Variants in TTC39A observed in about 807,000 individuals in gnomAD.
TTC39A encodes tetratricopeptide repeat protein 39A.
Under a neutral mutation model 82.3 loss-of-function variants are expected in TTC39A, and 46 were observed. The observed-to-expected ratio is 0.56, with a 90% confidence interval of 0.44 to 0.71. The LOEUF (loss-of-function observed/expected upper bound fraction) is 0.71, where lower values mean the gene tolerates loss of function less well. Among genes scored for constraint, TTC39A ranks in the 30% least tolerant of loss-of-function variants. The pLI is 0.00. For missense variants in TTC39A, 543 were observed against 712.9 expected (o/e 0.76, Z 2.71); for synonymous variants, 254 against 275.2 (o/e 0.92, Z 0.76).
chr1:51,311,820 C>T (rs953024139), intron 4 of TTC39A, among the ~76,000 whole-genome samples: 2 of 152,246 alleles, frequency 1.3e-5, no homozygotes, highest in Non-Finnish European at 2.9e-5. Context: ...ACTGCACATA[C>T]AACTCTAAAC....
intron 2 of TTC39A, among the ~76,000 whole-genome samples, chr1:51,314,329 T>G (rs1645202004): frequency 6.6e-6 from 1 of 151,988 alleles, no homozygotes; most frequent in Admixed American, 6.6e-5. Flanking sequence ...CCTGCCCGGG[T>G]CCCTGCGAGA....
chr1:51,301,847 C>CA lies in TTC39A; in HGVS notation c.892-115dup, dbSNP rs558659433. 90 of 1,450,366 alleles carry CA rather than the reference C, an allele frequency of 6.2e-5. No individual in the cohort carries two copies. In the South Asian group the frequency reaches 1.2e-3, roughly 19 times the overall value. 89.8% of individuals were successfully genotyped at this position (1,450,366 alleles called of 1,614,324 possible). A position where few individuals can be genotyped will look rare whatever the true frequency, so the allele number is the denominator to read the frequency against. Reference sequence around the variant, plus strand: ...GGGACTCCTCCAGGGCATAGTGGTCCAGCCCTGTGCTAGGCTCAGGTGGGG... The same window carrying CA: ...GGGACTCCTCCAGGGCATAGTGGTCCAAGCCCTGTGCTAGGCTCAGGTGGGG... On this transcript the variant is annotated intron_variant, in intron 11 of 17. Coordinates refer to ENST00000680483, the MANE Select transcript of TTC39A (RefSeq NM_001297663.2).
chr1:51,304,348 G>A (rs1416234363), intron 8 of TTC39A, among the ~76,000 whole-genome samples: 1 of 152,184 alleles, frequency 6.6e-6, no homozygotes, highest in Non-Finnish European at 1.5e-5. Flanking sequence ...CCGTGGGTGT[G>A]GCAAATATCA....
chr1:51,326,479 G>A lies in TTC39A; in HGVS notation c.41+3958C>T, dbSNP rs1184785219. 2.6e-5 allele frequency among the ~76,000 whole-genome samples: 4 copies of A among 152,250 alleles called. No individual in the cohort carries two copies. In the East Asian group the frequency reaches 5.8e-4, roughly 22 times the overall value. On this transcript the variant is annotated intron_variant, in intron 1 of 17. Transcript: ENST00000680483. ...CTGCGGTGGCTAGAGAGCTCAGGAA[G>A]GCTGGAGACATCCGCCCCATTTGAC...
At chr1:51,325,084 G>A (rs1340130493) in intron 1 of TTC39A, among the ~76,000 whole-genome samples, 3 of 151,696 alleles carry the variant, frequency 2.0e-5, no homozygotes, top group South Asian at 4.2e-4. Context: ...GAGAAACCCC[G>A]CCTCTACTAA....
chr1:51,302,810 C>T (rs1040535938), intron 9 of TTC39A, among the ~76,000 whole-genome samples: 9 of 152,196 alleles, frequency 5.9e-5, no homozygotes, highest in African/African-American at 1.9e-4. Flanking sequence ...TGCCCAGAAC[C>T]ATAAGGTGCT....
rs991951073 is a variant in TTC39A, at chr1:51,312,050, G to T, written c.355+69C>A. 2.7e-6 allele frequency: 4 copies of T among 1,505,672 alleles called. No individual in the cohort carries two copies. In the African/African-American group the frequency reaches 4.2e-5, roughly 16 times the overall value. 93.3% of individuals were successfully genotyped at this position (1,505,672 alleles called of 1,614,324 possible). A position where few individuals can be genotyped will look rare whatever the true frequency, so the allele number is the denominator to read the frequency against. Reference sequence around the variant, plus strand: ...CTAGGCGATGACAGGGAAGAAAACTGCCCCTTCCTGGGCCTGGAGCTGGCC... The same window carrying T: ...CTAGGCGATGACAGGGAAGAAAACTTCCCCTTCCTGGGCCTGGAGCTGGCC... On this transcript the variant is annotated intron_variant, in intron 4 of 17. Coordinates refer to ENST00000680483, the MANE Select transcript of TTC39A (RefSeq NM_001297663.2).
chr1:51,330,387 GC>G lies in TTC39A; in HGVS notation c.41+49del, dbSNP rs1006129207. The stretch of plus-strand genomic sequence containing the variant: ...GGCGCGGCGCCCGCCACCTGCCCGG[GC>G]CCCAGCCCGCGCCGCCCGCGCCCCC... On this transcript the variant is annotated intron_variant, in intron 1 of 17. Transcript: ENST00000680483. This position sits in a 1 kb window ranked among gnomAD's most constrained non-coding sequence, Gnocchi z 4.5. The G allele has an allele frequency of 1.9e-5, 18 of 967,382 alleles. No homozygotes were observed. In the East Asian group the frequency reaches 2.0e-3, roughly 105 times the overall value. The allele number at this position is 967,382 out of a possible 1,614,324, so 59.9% of individuals were successfully genotyped here.
upstream of TTC39A, chr1:51,330,565 G>A (rs1645877488): frequency 3.1e-6 from 3 of 983,104 alleles, no homozygotes; most frequent in Non-Finnish European, 3.6e-6. This position sits in a 1 kb window ranked among gnomAD's most constrained non-coding sequence, Gnocchi z 4.5. Context: ...GGCGCTGTGC[G>A]GTCGCGGACG....
chr1:51,344,646 G>A (rs1187535455), intron 1 of TTC39A, among the ~76,000 whole-genome samples: 1 of 152,248 alleles, frequency 6.6e-6, no homozygotes, highest in African/African-American at 2.4e-5. Context: ...TGAGAGGATG[G>A]AGGGTTGAGC....
At chr1:51,304,657 T>C (rs1644803440) in intron 8 of TTC39A, among the ~76,000 whole-genome samples, 1 of 152,218 alleles carries the variant, frequency 6.6e-6, no homozygotes, top group Non-Finnish European at 1.5e-5. Flanking sequence ...CAAGGTCTGA[T>C]GCCCAGTAGG....
intron 4 of TTC39A, among the ~76,000 whole-genome samples, 167 bp downstream of exon 4, chr1:51,311,952 T>C (rs1329200414): frequency 6.6e-6 from 1 of 152,160 alleles, no homozygotes; most frequent in Non-Finnish European, 1.5e-5. Flanking sequence ...ACACCCTCAC[T>C]AGAGAGCCAT....
rs1644707516 is a variant in TTC39A, at chr1:51,302,432, T to C, written c.832-16A>G. On this transcript the variant is annotated splice_polypyrimidine_tract_variant and intron_variant, in intron 10 of 17. Coordinates refer to ENST00000680483, the MANE Select transcript of TTC39A (RefSeq NM_001297663.2). ...AGATGGCACCCTGCAATGACACACA[T>C]GTAAGTCCGTGTGGGTCCGTGGGGT... 3 of 1,608,102 alleles carry C rather than the reference T, an allele frequency of 1.9e-6. No individual in the cohort carries two copies. Among genetic ancestry groups the C allele is most frequent in the Non-Finnish European group, 2.5e-6 (3 of 1,177,168 alleles).
intron 1 of TTC39A, among the ~76,000 whole-genome samples, chr1:51,337,798 G>A (rs927951369): frequency 6.6e-6 from 1 of 152,046 alleles, no homozygotes; most frequent in Non-Finnish European, 1.5e-5. Flanking sequence ...TTTCCACAGC[G>A]CTTGTTGTCA....
Position 51,342,959 on chromosome 1 carries a change from C to T in TTC39A, c.53+2032G>A, listed in dbSNP as rs1039019849. On this transcript the variant is annotated intron_variant, in intron 1 of 5. Transcript: ENST00000401051. ...TCTCTCTCCTGGACCACCACGCCAG[C>T]CTCCCCTCTGCTCTCCCTGCACACT... The T allele has an allele frequency of 6.9e-6, 3 of 434,802 alleles. No homozygotes were observed. In the Admixed American group the frequency reaches 7.1e-5, roughly 10 times the overall value. The allele number at this position is 434,802 out of a possible 1,614,324, so 26.9% of individuals were successfully genotyped here.
At chr1:51,292,312 C>T (rs1177785082) in intron 14 of TTC39A, among the ~76,000 whole-genome samples, 1 of 152,166 alleles carries the variant, frequency 6.6e-6, no homozygotes, top group African/African-American at 2.4e-5. Context: ...CACTTTGTAG[C>T]CATAAAGTTC....
At chr1:51,308,825 ATGTG>A (rs1466625781) in intron 6 of TTC39A, among the ~76,000 whole-genome samples, 2 of 152,100 alleles carry the variant, frequency 1.3e-5, no homozygotes, top group African/African-American at 4.8e-5. Flanking sequence ...GTGCATGTGC[ATGTG>A]TGTGTATGTA....
At chr1:51,300,220 TCTC>T (rs1338189818) in intron 12 of TTC39A, 1 of 152,120 alleles carries the variant, frequency 6.6e-6, no homozygotes, top group Non-Finnish European at 1.5e-5. Flanking sequence ...GATAATAACT[TCTC>T]CTCACTGGGT....
At chr1:51,290,473 C>T (rs200700558) in intron 15 of TTC39A, 41 bp downstream of exon 15, 13 of 1,577,312 alleles carry the variant, frequency 8.2e-6, no homozygotes, top group Non-Finnish European at 1.1e-5. Flanking sequence ...CTGTAAAGAC[C>T]TGACCTAGCA....
Sources: allele counts gnomAD v4.1 joint callset (sites outside exome capture counted in the v4.1 genomes callset), GRCh38; gene constraint gnomAD v4.1.1; non-coding constraint Gnocchi (gnomAD v3.1); transcripts MANE v1.5; gene names NCBI Gene and HGNC (gene_info 2026-07-23, HGNC 2026-07-21).